Variants in NOC2L observed in about 807,000 individuals in gnomAD.
The protein encoded by NOC2L is NOC2 like nucleolar associated transcriptional repressor.
Under a neutral mutation model 94.2 loss-of-function variants are expected in NOC2L, and 101 were observed. The ratio of observed to expected loss-of-function variants is 1.07; its 90% confidence interval spans 0.91 to 1.26. The LOEUF is 1.26. NOC2L is among the 50% of genes most tolerant of loss of function. The pLI, the probability that NOC2L is intolerant of heterozygous loss-of-function variation, is 0.00. For synonymous variants in NOC2L, 531 were observed against 413.4 expected (o/e 1.28, Z -3.45); for missense variants, 1,076 against 980.1 (o/e 1.10, Z -1.31).
intron 16 of NOC2L, 124 bp from the exon 17 acceptor site, chr1:945,777 C>G (rs1642090305): frequency 1.7e-6 from 2 of 1,209,474 alleles, no homozygotes; most frequent in Non-Finnish European, 2.4e-6. Context: ...CCCCTCTGTT[C>G]CCAAATCACA....
At chr1:951,029 G>C (rs77573237) in intron 12 of NOC2L, 98 bp downstream of exon 12, 33,999 of 927,884 alleles carry the variant, frequency 0.037, 797 homozygotes, top group Non-Finnish European at 0.047. Context: ...CCAGGGCTCC[G>C]GGAAGTCGCC....
chr1:947,660 G>A (rs1211981636), intron 14 of NOC2L, among the ~76,000 whole-genome samples: 2 of 152,226 alleles, frequency 1.3e-5, no homozygotes, highest in South Asian at 2.1e-4. Flanking sequence ...CTAAGATGAG[G>A]CTGACGTGGG....
intron 8 of NOC2L, 116 bp from the exon 9 acceptor site, chr1:953,404 A>G (rs1012924037): frequency 1.4e-5 from 9 of 664,506 alleles, no homozygotes; most frequent in Non-Finnish European, 2.5e-5. Context: ...GCTCTTCCCA[A>G]AGCACCTCGG....
intron 12 of NOC2L, among the ~76,000 whole-genome samples, chr1:949,996 C>T (rs1173332827): frequency 1.3e-5 from 2 of 152,246 alleles, no homozygotes; most frequent in East Asian, 3.8e-4. Flanking sequence ...GGGGTGGGGC[C>T]TAACCCACCC....
intron 4 of NOC2L, 143 bp downstream of exon 4, chr1:956,751 C>T (rs1233224058): frequency 1.7e-6 from 2 of 1,209,448 alleles, no homozygotes; most frequent in Non-Finnish European, 2.3e-6. Flanking sequence ...CCCACCAGCA[C>T]AGCCTCAGGC....
intron 8 of NOC2L, among the ~76,000 whole-genome samples, chr1:953,497 TACC>T (rs1356254536): frequency 4.6e-5 from 7 of 152,196 alleles, no homozygotes; most frequent in South Asian, 2.1e-4. Flanking sequence ...CACAAAAGTT[TACC>T]ACGTCAGACA....
chr1:946,543 C>A lies in NOC2L; in HGVS notation c.1662G>T (p.Leu554=). 6.2e-7 allele frequency: 1 copy of A among 1,611,206 alleles called. No individual in the cohort carries two copies. Among genetic ancestry groups the A allele is most frequent in the Non-Finnish European group, 8.5e-7 (1 of 1,178,436 alleles). Residue 554 remains leucine (L), a splice_region_variant and synonymous_variant, in exon 15 of 19, where the codon CTG becomes CTT. Transcript: ENST00000327044. ...PELVLPVVLQ[L]KSFLRECKVA... is the part of the protein sequence containing the mutation. ...CCTTGCACTCCCGGAGGAACGACTT[C>A]AGCTGCGGAAGGGAGGGGTCAGCCA... is the stretch of plus-strand genomic sequence containing the variant.
intron 6 of NOC2L, 44 bp from the exon 7 acceptor site, chr1:954,126 C>T (rs781136854): frequency 1.6e-5 from 25 of 1,587,636 alleles, no homozygotes; most frequent in Non-Finnish European, 2.0e-5. Context: ...CCCCACGGCT[C>T]GGACGCGAGG....
rs1227263549 is a variant in NOC2L at position 952,481 on chromosome 1, G to T, written c.1122C>A (p.Tyr374Ter). The change falls in exon 10 of 19, where the codon TAC (tyrosine) becomes TAA (stop). Residue 374 changes from tyrosine (Y) to a stop codon, truncating the protein, a stop_gained. Coordinates refer to ENST00000327044, the MANE Select transcript of NOC2L (RefSeq NM_015658.4). LOFTEE classifies it high-confidence loss of function. ...GGCGGATGTAGAGGAAGGCGTGCTGGTAGGCCACACCCGGCTCCAGGGCCA... is the reference window on the plus strand; with the variant it reads ...GGCGGATGTAGAGGAAGGCGTGCTGTTAGGCCACACCCGGCTCCAGGGCCA... ...ELLALEPGVA[Y>*]QHAFLYIRQL... 1 of 1,613,682 alleles carries T rather than the reference G, an allele frequency of 6.2e-7. No individual in the cohort carries two copies. Among genetic ancestry groups the T allele is most frequent in the African/African-American group, 1.3e-5 (1 of 74,940 alleles).
rs530246474 is a variant in NOC2L at position 949,245 on chromosome 1, A to G, written c.1444-642T>C. Among the ~76,000 whole-genome samples the G allele has an allele frequency of 2.6e-5, 4 of 152,294 alleles. No homozygotes were observed. The East Asian group carries it at 7.7e-4, about 29-fold the overall frequency. ...TAGGAGCCCTCAGGCTGTGAACCAGAGAGATCCAGGGTACATGCTGGGGCA... is the reference window on the plus strand; with the variant it reads ...TAGGAGCCCTCAGGCTGTGAACCAGGGAGATCCAGGGTACATGCTGGGGCA... On this transcript the variant is annotated intron_variant, in intron 12 of 18. Coordinates refer to ENST00000327044, the MANE Select transcript of NOC2L (RefSeq NM_015658.4).
chr1:956,765 T>G (rs1642414902), intron 4 of NOC2L, 129 bp downstream of exon 4: 8 of 1,370,644 alleles, frequency 5.8e-6, no homozygotes, highest in Non-Finnish European at 8.1e-6. Context: ...CTCAGGCGCC[T>G]CAGGTGAGGC....
Position 952,572 on chromosome 1 carries a change from C to G in NOC2L, c.1031G>C (p.Cys344Ser), listed in dbSNP as rs368410720. The G allele has an allele frequency of 1.9e-6, 3 of 1,613,732 alleles. No homozygotes were observed. In the African/African-American group the frequency reaches 4.0e-5, roughly 22 times the overall value. The change falls in exon 10 of 19, where the codon TGC becomes TCC. Residue 344 changes from cysteine (C) to serine (S), a missense_variant. Coordinates refer to ENST00000327044, the MANE Select transcript of NOC2L (RefSeq NM_015658.4). Reference protein sequence around the residue: ...KQMYITYVRNCKFTSPGALPF... With the variant: ...KQMYITYVRNSKFTSPGALPF... ...GAGGGCACCAGGCGAGGTGAACTTG[C>G]AGTTCCTCACATACGTGATGTACAT...
chr1:955,815 C>A, intron 6 of NOC2L, 108 bp downstream of exon 6: 4 of 963,586 alleles, frequency 4.2e-6, no homozygotes, highest in Non-Finnish European at 6.4e-6. Flanking sequence ...CAAGAAGACG[C>A]TGGCTCTGTT....
At chr1:950,326 CATGCACACAG>C (rs1393715849) in intron 12 of NOC2L, among the ~76,000 whole-genome samples, 26 of 152,098 alleles carry the variant, frequency 1.7e-4, no homozygotes, top group African/African-American at 6.3e-4. Context: ...GACACACATG[CATGCACACAG>C]ATGCACACAT....
intron 6 of NOC2L, chr1:954,471 G>A (rs1005033111): frequency 5.0e-6 from 1 of 199,460 alleles, no homozygotes; most frequent in Non-Finnish European, 1.0e-5. Flanking sequence ...CACCTCTGGG[G>A]TCGCCCAGGC....
In NOC2L at chr1:958,902, G is replaced by A. The variant is rs1264816833; in HGVS notation, c.179+27C>T. Reference sequence around the variant, plus strand: ...CGGGGTGGGACAGGACGAGCAAGAGGTTCTGCTCACGCATGTCCCCACTAA... The same window carrying A: ...CGGGGTGGGACAGGACGAGCAAGAGATTCTGCTCACGCATGTCCCCACTAA... On this transcript the variant is annotated intron_variant, in intron 2 of 18. Transcript: ENST00000327044. 12 of 1,612,190 alleles carry A rather than the reference G, an allele frequency of 7.4e-6. No individual in the cohort carries two copies. In the African/African-American group the frequency reaches 9.3e-5, roughly 13 times the overall value.
chr1:945,375 T>C, intron 17 of NOC2L, 143 bp downstream of exon 17: 2 of 1,091,790 alleles, frequency 1.8e-6, no homozygotes, highest in South Asian at 3.2e-5. Flanking sequence ...ACCAGAAGCC[T>C]GGCAACACTG....
chr1:945,914 G>A (rs1014199169), intron 16 of NOC2L, among the ~76,000 whole-genome samples: 2 of 152,178 alleles, frequency 1.3e-5, no homozygotes, highest in Admixed American at 6.5e-5. Flanking sequence ...CACTCCACCT[G>A]CCCGGAGCCT....
chr1:950,806 C>CAG (rs34767445), intron 12 of NOC2L, among the ~76,000 whole-genome samples: 142,005 of 152,024 alleles, frequency 0.93, 66,352 homozygotes, highest in Non-Finnish European at 0.95. Flanking sequence ...GGGCACTGTT[C>CAG]AGTGTACAGT....
Sources: gnomAD v4.1 joint callset for allele counts (sites outside exome capture counted in the v4.1 genomes callset) on GRCh38, gnomAD v4.1.1 for gene constraint, MANE v1.5 for transcripts, NCBI Gene and HGNC (gene_info 2026-07-23, HGNC 2026-07-21) for gene names.